The following LRRTM4 variants were observed in gnomAD, a reference collection of about 807,000 sequenced individuals.
The protein encoded by LRRTM4 is leucine-rich repeat transmembrane neuronal protein 4.
In LRRTM4, 25 loss-of-function variants were observed where a neutral mutation model predicts 47.6. The observed-to-expected ratio is 0.53, with a 90% CI of 0.38 to 0.73. The LOEUF (loss-of-function observed/expected upper bound fraction) is 0.73, where lower values mean the gene tolerates loss of function less well. Among genes scored for constraint, LRRTM4 ranks in the 30% least tolerant of loss-of-function variants. LRRTM4 has a pLI of 0.00. For missense variants in LRRTM4, 638 were observed against 713.4 expected, an observed-to-expected ratio of 0.89 and a Z score of 1.20; for synonymous variants, 311 against 269.5, an observed-to-expected ratio of 1.15 and a Z score of -1.51.
intron 3 of LRRTM4, among the ~76,000 whole-genome samples, chr2:76,866,760 G>C (rs951660865): frequency 6.6e-6 from 1 of 152,094 alleles, no homozygotes; most frequent in Non-Finnish European, 1.5e-5. Flanking sequence ...GGGCATTTGG[G>C]TTGGTTCCTA....
intron 3 of LRRTM4, among the ~76,000 whole-genome samples, chr2:76,795,165 A>G (rs780447846): frequency 6.6e-6 from 1 of 152,206 alleles, no homozygotes; most frequent in African/African-American, 2.4e-5. Context: ...ATAGGCAATG[A>G]TCAGCAAACA....
chr2:77,322,542 G>A (rs879496716), intron 3 of LRRTM4, among the ~76,000 whole-genome samples: 2 of 151,838 alleles, frequency 1.3e-5, no homozygotes, highest in Non-Finnish European at 2.9e-5. Context: ...CCAATAAGGA[G>A]AAAAATGCAT....
intron 3 of LRRTM4, among the ~76,000 whole-genome samples, chr2:77,126,028 C>T (rs1405667478): frequency 6.6e-6 from 1 of 151,164 alleles, no homozygotes; most frequent in Non-Finnish European, 1.5e-5. Context: ...TACATATGTG[C>T]ACTTTATATA....
chr2:76,905,594 T>C (rs1673802300), intron 3 of LRRTM4, among the ~76,000 whole-genome samples: 1 of 150,736 alleles, frequency 6.6e-6, no homozygotes, highest in South Asian at 2.1e-4. Flanking sequence ...AGTTAAAAAC[T>C]TTGAAAAAAA....
chr2:77,370,395 C>T (rs1205359089), intron 3 of LRRTM4, among the ~76,000 whole-genome samples: 1 of 151,770 alleles, frequency 6.6e-6, no homozygotes, highest in Admixed American at 6.6e-5. Flanking sequence ...CCTAGCAATG[C>T]TTTCTAAAAC....
chr2:76,858,344 T>C (rs1159940376), intron 3 of LRRTM4, among the ~76,000 whole-genome samples: 1 of 152,196 alleles, frequency 6.6e-6, no homozygotes, highest in Non-Finnish European at 1.5e-5. Flanking sequence ...AACTGAGACA[T>C]TGACTTTTTC....
intron 3 of LRRTM4, among the ~76,000 whole-genome samples, chr2:77,033,838 G>T (rs1004783935): frequency 2.0e-5 from 3 of 151,732 alleles, no homozygotes; most frequent in Admixed American, 6.6e-5. Context: ...AACTTATAAA[G>T]GAGGAGATGG....
intron 3 of LRRTM4, among the ~76,000 whole-genome samples, chr2:77,020,476 T>C (rs1252805851): frequency 6.6e-6 from 1 of 152,030 alleles, no homozygotes; most frequent in Non-Finnish European, 1.5e-5. Flanking sequence ...CACAAAAAGG[T>C]TTCTAAGAAT....
chr2:77,165,491 T>C (rs2103820010), intron 3 of LRRTM4, among the ~76,000 whole-genome samples: 1 of 152,220 alleles, frequency 6.6e-6, no homozygotes. Flanking sequence ...TACAAAAGCC[T>C]GGCAGAGACA....
intron 3 of LRRTM4, among the ~76,000 whole-genome samples, chr2:77,063,877 T>A (rs77393486): frequency 5.3e-5 from 8 of 152,114 alleles, no homozygotes; most frequent in African/African-American, 1.7e-4. Flanking sequence ...TTCTTGGACA[T>A]TGAGAATATT....
intron 3 of LRRTM4, chr2:76,989,811 C>T (rs886781764): frequency 4.0e-5 from 6 of 151,256 alleles, no homozygotes; most frequent in Admixed American, 1.3e-4. Context: ...TCTTTTTTTC[C>T]ATCTTAAAGT....
intron 3 of LRRTM4, among the ~76,000 whole-genome samples, chr2:77,193,747 G>T (rs969118802): frequency 6.6e-6 from 1 of 152,206 alleles, no homozygotes; most frequent in African/African-American, 2.4e-5. Context: ...ATTGCACTCC[G>T]GCCTGGGCAA....
chr2:77,099,218 T>A (rs1435370134), intron 3 of LRRTM4, among the ~76,000 whole-genome samples: 1 of 151,988 alleles, frequency 6.6e-6, no homozygotes, highest in Admixed American at 6.6e-5. Context: ...TACAAAGTAC[T>A]ATTCCTCTAT....
intron 3 of LRRTM4, among the ~76,000 whole-genome samples, chr2:77,346,628 A>G (rs1671571929): frequency 6.6e-6 from 1 of 152,172 alleles, no homozygotes; most frequent in Non-Finnish European, 1.5e-5. Flanking sequence ...ACCTCTAGAA[A>G]TAAAATAAGA....
chr2:76,858,039 T>C (rs1672205342), intron 3 of LRRTM4, among the ~76,000 whole-genome samples: 1 of 152,090 alleles, frequency 6.6e-6, no homozygotes, highest in Non-Finnish European at 1.5e-5. Flanking sequence ...TGAAACAGTA[T>C]AAATAACATC....
intron 3 of LRRTM4, among the ~76,000 whole-genome samples, chr2:76,998,571 C>T (rs7569919): frequency 0.3 from 46,017 of 151,752 alleles, 7,307 homozygotes; most frequent in East Asian, 0.55. Context: ...CAGGATGAGA[C>T]CCAGGAATCT....
chr2:77,228,243 T>C (rs2103964828), intron 3 of LRRTM4, among the ~76,000 whole-genome samples: 1 of 152,252 alleles, frequency 6.6e-6, no homozygotes, highest in Non-Finnish European at 1.5e-5. Flanking sequence ...CTTAATTTTT[T>C]CCACATAATA....
Position 77,030,203 on chromosome 2 carries a change from C to T in LRRTM4, c.1552-281287G>A, listed in dbSNP as rs780969133. On this transcript the variant is annotated intron_variant, in intron 3 of 3. Coordinates refer to ENST00000409884, the MANE Select transcript of LRRTM4 (RefSeq NM_001134745.3). The stretch of plus-strand genomic sequence containing the variant: ...ATCCCAGCACTTTGGGAGGCTGAGG[C>T]GGGGAGATCACGAGGTCAGGAGATC... Among the ~76,000 whole-genome samples, 10 of 152,038 alleles carry T rather than the reference C, an allele frequency of 6.6e-5. No homozygotes were observed. In the East Asian group the frequency reaches 7.7e-4, roughly 12 times the overall value.
intron 3 of LRRTM4, among the ~76,000 whole-genome samples, chr2:77,485,479 T>A (rs1056906410): frequency 6.6e-6 from 1 of 152,160 alleles, no homozygotes. Context: ...TGTGGACCAA[T>A]GGTCATGGTG....
Sources: gnomAD v4.1 joint callset for allele counts (sites outside exome capture counted in the v4.1 genomes callset) on GRCh38, gnomAD v4.1.1 for gene constraint, MANE v1.5 for transcripts, NCBI Gene and HGNC (gene_info 2026-07-23, HGNC 2026-07-21) for gene names.